Variants in MRPL1 observed in about 807,000 individuals in gnomAD.
MRPL1 encodes mitochondrial ribosomal protein L1.
A neutral mutation model predicts 38.0 loss-of-function variants in MRPL1; 28 were observed. That is an observed-to-expected ratio of 0.74 (90% confidence interval 0.55 to 1.01). The LOEUF is 1.01. MRPL1 is among the 50% of genes least tolerant of loss of function. The pLI, the probability that MRPL1 is intolerant of heterozygous loss-of-function variation, is 0.00. For synonymous variants in MRPL1, 123 were observed against 126.7 expected, an observed-to-expected ratio of 0.97 and a Z score of 0.20; for missense variants, 358 against 389.8, an observed-to-expected ratio of 0.92 and a Z score of 0.69.
rs1274769032 is a variant in MRPL1, at chr4:77,883,414, C to G, written c.316C>G (p.Leu106Val). ...IYEVEKAVHL[L>V]KKFQILDFTS... is the part of the protein sequence containing the mutation. Reference sequence around the variant, plus strand: ...TGAGGTGGAGAAAGCTGTTCACTTACTTAAGAAATTTCAAATTCTTGACTT... The same window carrying G: ...TGAGGTGGAGAAAGCTGTTCACTTAGTTAAGAAATTTCAAATTCTTGACTT... Residue 106 changes from leucine (L) to valine (V), a missense_variant, in exon 3 of 9, where the codon CTT becomes GTT. Transcript: ENST00000315567. The G allele has an allele frequency of 1.2e-6, 2 of 1,613,784 alleles. No individual in the cohort carries two copies. Among genetic ancestry groups the G allele is most frequent in the Non-Finnish European group, 1.7e-6 (2 of 1,179,920 alleles).
intron 3 of MRPL1, among the ~76,000 whole-genome samples, chr4:77,884,146 G>A (rs1200611098): frequency 6.6e-6 from 1 of 151,262 alleles, no homozygotes; most frequent in Non-Finnish European, 1.5e-5. Flanking sequence ...TTTCTTCTCT[G>A]TAAATGAGGG....
chr4:77,942,478 A>G (rs908471754), intron 7 of MRPL1, among the ~76,000 whole-genome samples: 42 of 152,074 alleles, frequency 2.8e-4, no homozygotes, highest in Non-Finnish European at 5.0e-4. Context: ...ATCTGCCACT[A>G]TTATTGTGTT....
intron 7 of MRPL1, among the ~76,000 whole-genome samples, chr4:77,920,115 A>G (rs1736532721): frequency 6.6e-6 from 1 of 152,172 alleles, no homozygotes; most frequent in African/African-American, 2.4e-5. Context: ...TATCTTTTTA[A>G]GAATAATTTT....
intron 7 of MRPL1, among the ~76,000 whole-genome samples, chr4:77,916,756 T>G (rs4546268): frequency 0.22 from 33,306 of 152,084 alleles, 4,412 homozygotes; most frequent in African/African-American, 0.36. Context: ...GTGTCCCGAT[T>G]TTTGCTATTG....
At chr4:77,944,656 G>T (rs2110266845) in intron 7 of MRPL1, among the ~76,000 whole-genome samples, 2 of 152,124 alleles carry the variant, frequency 1.3e-5, no homozygotes, top group East Asian at 3.9e-4. Flanking sequence ...AAGTTGTATG[G>T]TATTAACATC....
At chr4:77,941,166 G>A (rs912574245) in intron 7 of MRPL1, among the ~76,000 whole-genome samples, 1 of 151,994 alleles carries the variant, frequency 6.6e-6, no homozygotes, top group African/African-American at 2.4e-5. Flanking sequence ...TTGGGAGGTT[G>A]AGGCAGGAGA....
chr4:77,923,223 G>A (rs1736621524), intron 7 of MRPL1, among the ~76,000 whole-genome samples: 1 of 151,938 alleles, frequency 6.6e-6, no homozygotes, highest in South Asian at 2.1e-4. Flanking sequence ...AGCCTCCTGG[G>A]TAGCTGGGAT....
intron 1 of MRPL1, among the ~76,000 whole-genome samples, chr4:77,866,563 A>G (rs962878041): frequency 2.6e-5 from 4 of 151,722 alleles, no homozygotes; most frequent in African/African-American, 9.7e-5. Flanking sequence ...CACCCAGCTG[A>G]CCTCTCTGAC....
At chr4:77,948,083 CA>C (rs1182806493) in intron 7 of MRPL1, among the ~76,000 whole-genome samples, 3 of 152,166 alleles carry the variant, frequency 2.0e-5, no homozygotes, top group African/African-American at 7.2e-5. Flanking sequence ...AGTATAGTTA[CA>C]AAAATCTGAG....
At chr4:77,878,327 A>G (rs1210845198) in intron 2 of MRPL1, among the ~76,000 whole-genome samples, 2 of 152,174 alleles carry the variant, frequency 1.3e-5, no homozygotes, top group South Asian at 2.1e-4. Context: ...CCAGCATCAG[A>G]GATGTTAGTG....
At chr4:77,872,902 G>A (rs962718349) in intron 2 of MRPL1, among the ~76,000 whole-genome samples, 5 of 152,018 alleles carry the variant, frequency 3.3e-5, no homozygotes, top group Non-Finnish European at 5.9e-5. Context: ...ACATAGTGGT[G>A]TGTACCTGTA....
intron 7 of MRPL1, among the ~76,000 whole-genome samples, chr4:77,926,593 A>G (rs1290881886): frequency 6.8e-6 from 1 of 146,560 alleles, no homozygotes; most frequent in Non-Finnish European, 1.5e-5. Context: ...AATCATTCTT[A>G]TAGTTTTTTT....
intron 7 of MRPL1, among the ~76,000 whole-genome samples, chr4:77,913,845 A>C (rs1471707466): frequency 6.6e-6 from 1 of 152,238 alleles, no homozygotes; most frequent in African/African-American, 2.4e-5. Context: ...TGCTGAGTGA[A>C]AGAAGTTAGA....
chr4:77,926,537 T>C (rs1736715767), intron 7 of MRPL1, among the ~76,000 whole-genome samples: 1 of 152,202 alleles, frequency 6.6e-6, no homozygotes, highest in Non-Finnish European at 1.5e-5. Context: ...AAAGAGATAC[T>C]TGGTCATTTC....
intron 3 of MRPL1, among the ~76,000 whole-genome samples, chr4:77,883,733 A>G (rs1310426551): frequency 6.6e-6 from 1 of 151,820 alleles, no homozygotes; most frequent in Non-Finnish European, 1.5e-5. Context: ...GTGTTCTACC[A>G]CGCCCAGCTA....
intron 6 of MRPL1, among the ~76,000 whole-genome samples, chr4:77,899,870 A>G (rs1735998560): frequency 1.3e-5 from 2 of 152,230 alleles, no homozygotes; most frequent in African/African-American, 4.8e-5. Context: ...AGGGATAGCA[A>G]AGCCCTAGAA....
chr4:77,939,701 C>G (rs1003466896), intron 7 of MRPL1, among the ~76,000 whole-genome samples: 2 of 152,150 alleles, frequency 1.3e-5, no homozygotes, highest in Non-Finnish European at 2.9e-5. Context: ...CTTGATCCAT[C>G]TTGAGTTGAT....
chr4:77,897,329 C>G (rs1735940548), intron 6 of MRPL1, among the ~76,000 whole-genome samples: 1 of 152,066 alleles, frequency 6.6e-6, no homozygotes, highest in African/African-American at 2.4e-5. Flanking sequence ...GCTTGGCCTC[C>G]CAAAGTGCTG....
chr4:77,877,382 G>T (rs961553503), intron 2 of MRPL1, among the ~76,000 whole-genome samples: 4 of 151,912 alleles, frequency 2.6e-5, no homozygotes, highest in African/African-American at 9.7e-5. Context: ...GTTACCATCA[G>T]CTTCAAATTT....
Sources: allele counts gnomAD v4.1 joint callset (sites outside exome capture counted in the v4.1 genomes callset), GRCh38; gene constraint gnomAD v4.1.1; transcripts MANE v1.5; gene names NCBI Gene and HGNC (gene_info 2026-07-23, HGNC 2026-07-21).